Variants in NBAS observed in about 807,000 individuals in gnomAD.
NBAS encodes NBAS subunit of NRZ tethering complex.
NBAS carries 219 observed loss-of-function variants against 302.5 expected under a neutral mutation model. That is an observed-to-expected ratio of 0.72 (90% confidence interval 0.65 to 0.81). The LOEUF is 0.81. NBAS is among the 30% of genes least tolerant of loss of function. The pLI is 0.00. For synonymous variants in NBAS, 1,118 were observed against 1,021.6 expected (o/e 1.09, Z -1.80); for missense variants, 2,932 against 2,841.6 (o/e 1.03, Z -0.72).
At chr2:14,901,073 A>C in the NBAS span, among the ~76,000 whole-genome samples, 8 of 152,294 alleles carry the variant, frequency 5.3e-5, 1 homozygote, top group Admixed American at 5.2e-4. Context: ...AGTCACTGCC[A>C]GGTTTAAGCA....
the NBAS span, among the ~76,000 whole-genome samples, chr2:14,976,515 A>ACC: frequency 6.6e-6 from 1 of 152,184 alleles, no homozygotes; most frequent in Non-Finnish European, 1.5e-5. Flanking sequence ...GAATGTTTAT[A>ACC]CCCTGGGAGT....
the NBAS span, among the ~76,000 whole-genome samples, chr2:15,143,609 T>G: frequency 6.6e-6 from 1 of 151,872 alleles, no homozygotes; most frequent in Admixed American, 6.6e-5. Context: ...CCTTTGGAGG[T>G]TTGCAAGTGG....
the NBAS span, among the ~76,000 whole-genome samples, chr2:14,956,120 G>C: frequency 2.0e-5 from 3 of 152,148 alleles, no homozygotes; most frequent in Non-Finnish European, 4.4e-5. Context: ...CAGATCTCTA[G>C]GGCAGGGGCA....
At chr2:14,817,902 C>T in the NBAS span, among the ~76,000 whole-genome samples, 18 of 152,100 alleles carry the variant, frequency 1.2e-4, no homozygotes, top group Admixed American at 2.0e-4. Context: ...TGAACCTCTC[C>T]GGAGACTAAT....
intron 42 of NBAS, 111 bp downstream of exon 42, chr2:15,286,962 T>G: frequency 1.2e-6 from 1 of 839,774 alleles, no homozygotes; most frequent in South Asian, 1.5e-5. Context: ...ACTAGTCCAC[T>G]GTAGATTAAA....
the NBAS span, among the ~76,000 whole-genome samples, chr2:15,097,235 C>T: frequency 6.6e-6 from 1 of 152,056 alleles, no homozygotes; most frequent in South Asian, 2.1e-4. Flanking sequence ...TGCCCTCAGT[C>T]ATAAGAACAG....
chr2:15,071,971 GTAAA>G, the NBAS span, among the ~76,000 whole-genome samples: 1 of 152,208 alleles, frequency 6.6e-6, no homozygotes, highest in East Asian at 1.9e-4. Flanking sequence ...ACTTCGTGGA[GTAAA>G]TAAACAGGCA....
At chr2:15,240,978 G>A (rs777532610) in intron 44 of NBAS, among the ~76,000 whole-genome samples, 2 of 152,058 alleles carry the variant, frequency 1.3e-5, no homozygotes, top group Non-Finnish European at 2.9e-5. Context: ...GAGGCTCAGT[G>A]GCATGTTAGG....
the NBAS span, among the ~76,000 whole-genome samples, chr2:14,955,801 C>T: frequency 1.3e-5 from 2 of 152,156 alleles, no homozygotes; most frequent in African/African-American, 4.8e-5. Context: ...CCCCAGCCTC[C>T]ACTCACAAAA....
intron 44 of NBAS, among the ~76,000 whole-genome samples, chr2:15,263,025 T>C (rs1266007019): frequency 6.6e-6 from 1 of 152,210 alleles, no homozygotes; most frequent in East Asian, 1.9e-4. Flanking sequence ...TTGCTGCTCA[T>C]GCCTCAGCTT....
chr2:15,527,629 C>T (rs533653932), intron 9 of NBAS, among the ~76,000 whole-genome samples: 2 of 152,264 alleles, frequency 1.3e-5, no homozygotes, highest in South Asian at 4.2e-4. Flanking sequence ...GTCCTAACGG[C>T]CTCATCATGT....
At chr2:15,119,649 T>A in the NBAS span, among the ~76,000 whole-genome samples, 1 of 152,116 alleles carries the variant, frequency 6.6e-6, no homozygotes, top group Non-Finnish European at 1.5e-5. Flanking sequence ...AGGAATCCAT[T>A]TCTAATGTTT....
chr2:14,912,703 TAAAAAAAAAAAA>T, the NBAS span, among the ~76,000 whole-genome samples: 13 of 78,576 alleles, frequency 1.7e-4, no homozygotes, highest in African/African-American at 4.7e-4. Flanking sequence ...CATTCATTTT[TAAAAAAAAAAAA>T]AAAAAAAAAA....
chr2:14,965,275 T>C, the NBAS span, among the ~76,000 whole-genome samples: 1 of 152,010 alleles, frequency 6.6e-6, no homozygotes, highest in Non-Finnish European at 1.5e-5. Context: ...ATCAATAAAA[T>C]TGAGACCCCC....
At chr2:14,981,305 C>A in the NBAS span, among the ~76,000 whole-genome samples, 1 of 152,214 alleles carries the variant, frequency 6.6e-6, no homozygotes, top group Non-Finnish European at 1.5e-5. Context: ...TGGCATCACA[C>A]AGTGAAGCAA....
the NBAS span, among the ~76,000 whole-genome samples, chr2:15,157,545 T>G: frequency 6.6e-6 from 1 of 152,008 alleles, no homozygotes; most frequent in African/African-American, 2.4e-5. Flanking sequence ...CACCCAGAAT[T>G]CCCCTCCCCG....
chr2:15,461,772 T>C lies in NBAS; in HGVS notation c.2117A>G (p.His706Arg). The change falls in exon 20 of 52, where the codon CAT (histidine) becomes CGT (arginine). Residue 706 changes from histidine (H) to arginine (R), a missense_variant. Physicochemically the swap from His to Arg is conservative, Grantham distance 29. Coordinates refer to ENST00000281513, the MANE Select transcript of NBAS (RefSeq NM_015909.4). ...ATYEEILGVP[H>R]ASEQRYDAEF... ...AGCATCATATCTCTGTTCAGATGCA[T>C]GAGGCACTCCTAGGATTTCCTGAGG... 6.2e-7 allele frequency: 1 copy of C among 1,600,408 alleles called. No homozygotes were observed. The highest frequency in any genetic ancestry group is 1.1e-5 in the South Asian group (1 of 90,496).
At chr2:15,483,232 A>G (rs1024997764) in intron 12 of NBAS, 4 of 253,300 alleles carry the variant, frequency 1.6e-5, no homozygotes, top group South Asian at 5.1e-5. Context: ...GATGAAATAC[A>G]TATTCAGTGC....
chr2:15,531,407 T>C (rs1026733721), intron 9 of NBAS, among the ~76,000 whole-genome samples: 1 of 152,146 alleles, frequency 6.6e-6, no homozygotes, highest in African/African-American at 2.4e-5. Context: ...TGATCTCGCA[T>C]GATCTCAGAA....
Sources: allele counts gnomAD v4.1 joint callset (sites outside exome capture counted in the v4.1 genomes callset), GRCh38; gene constraint gnomAD v4.1.1; transcripts MANE v1.5; gene names NCBI Gene and HGNC (gene_info 2026-07-23, HGNC 2026-07-21).